CENPP: variants seen among roughly 807,000 people sequenced by gnomAD.
CENPP encodes the protein centromere protein P.
Under a neutral mutation model 35.6 loss-of-function variants are expected in CENPP, and 24 were observed. That is an observed-to-expected ratio of 0.67 (90% CI 0.49 to 0.95). The LOEUF (loss-of-function observed/expected upper bound fraction) is 0.95. Among genes scored for constraint, CENPP ranks in the 40% least tolerant of loss-of-function variants. The probability of loss-of-function intolerance (pLI) is 0.00; values close to 1 mark genes in which losing one functional copy is unlikely to be tolerated. For missense variants in CENPP, 332 were observed against 345.3 expected (o/e 0.96, Z 0.31); for synonymous variants, 120 against 125.5 (o/e 0.96, Z 0.29).
chr9:92,387,053 GAAAAA>G (rs903436031), intron 5 of CENPP, among the ~76,000 whole-genome samples: 19 of 50,176 alleles, frequency 3.8e-4, no homozygotes, highest in Non-Finnish European at 6.4e-4. Context: ...GTCTCAAAAA[GAAAAA>G]AAAAAAAAAA....
intron 5 of CENPP, among the ~76,000 whole-genome samples, chr9:92,582,041 T>G (rs79484853): frequency 2.4e-4 from 35 of 148,092 alleles, no homozygotes; most frequent in African/African-American, 8.4e-4. Context: ...TGTTTTGTTT[T>G]GTTTTGTTTT....
At chr9:92,438,428 A>G (rs972834454) in intron 5 of CENPP, among the ~76,000 whole-genome samples, 1 of 152,144 alleles carries the variant, frequency 6.6e-6, no homozygotes, top group Admixed American at 6.6e-5. Context: ...CTATTGCTCT[A>G]TGTGTCTGCC....
At chr9:92,402,964 G>A (rs148224104) in intron 5 of CENPP, among the ~76,000 whole-genome samples, 48 of 152,226 alleles carry the variant, frequency 3.2e-4, no homozygotes, top group African/African-American at 1.1e-3. Context: ...ATTGCAACTG[G>A]TGAGGGATCA....
At chr9:92,488,830 G>A (rs767358907) in intron 5 of CENPP, among the ~76,000 whole-genome samples, 1 of 152,114 alleles carries the variant, frequency 6.6e-6, no homozygotes, top group African/African-American at 2.4e-5. Context: ...ATAACATGAT[G>A]TATTCCTTTT....
At chr9:92,434,845 A>G (rs532623403) in intron 5 of CENPP, among the ~76,000 whole-genome samples, 1 of 152,230 alleles carries the variant, frequency 6.6e-6, no homozygotes, top group Non-Finnish European at 1.5e-5. Flanking sequence ...GAGTTCAAGA[A>G]GTTCAAGACC....
At chr9:92,547,064 T>C (rs1348546742) in intron 5 of CENPP, among the ~76,000 whole-genome samples, 2 of 152,166 alleles carry the variant, frequency 1.3e-5, no homozygotes, top group Admixed American at 6.5e-5. Context: ...CAACAATATA[T>C]AAATAATATA....
chr9:92,597,372 C>T (rs556315059), intron 5 of CENPP, among the ~76,000 whole-genome samples: 13 of 152,214 alleles, frequency 8.5e-5, no homozygotes, highest in Admixed American at 2.6e-4. Context: ...ACCTCAAGAA[C>T]GCCTGCCAAT....
chr9:92,608,596 C>T (rs1851147214), intron 5 of CENPP, among the ~76,000 whole-genome samples: 1 of 152,190 alleles, frequency 6.6e-6, no homozygotes, highest in Admixed American at 6.5e-5. Flanking sequence ...TCTTCTCTCC[C>T]CACCTGTACA....
intron 5 of CENPP, chr9:92,385,781 TG>T (rs755382157): frequency 6.2e-7 from 1 of 1,614,078 alleles, no homozygotes; most frequent in South Asian, 1.1e-5. Flanking sequence ...ATTGAAGCTA[TG>T]TTGTTGAACT....
At chr9:92,507,271 A>G (rs1164061493) in intron 5 of CENPP, among the ~76,000 whole-genome samples, 1 of 152,202 alleles carries the variant, frequency 6.6e-6, no homozygotes, top group Admixed American at 6.5e-5. Context: ...ATTTCCTCAT[A>G]TTCTCTTTCA....
chr9:92,470,649 G>T, intron 5 of CENPP: 1 of 1,247,414 alleles, frequency 8.0e-7, no homozygotes, highest in Non-Finnish European at 1.1e-6. Context: ...ATCTTTGAAA[G>T]TATGAGGATA....
chr9:92,332,540 T>A (rs548999257), intron 2 of CENPP, among the ~76,000 whole-genome samples, 189 bp downstream of exon 2: 2 of 152,330 alleles, frequency 1.3e-5, no homozygotes, highest in South Asian at 4.1e-4. Context: ...CCAGGCCCCG[T>A]GATCATGCCT....
intron 2 of CENPP, among the ~76,000 whole-genome samples, chr9:92,334,260 A>G (rs1362594031): frequency 6.6e-6 from 1 of 151,900 alleles, no homozygotes; most frequent in African/African-American, 2.4e-5. Flanking sequence ...AGCTGGGACT[A>G]CAGGCACGCA....
chr9:92,470,836 A>G, intron 5 of CENPP: 3 of 1,023,672 alleles, frequency 2.9e-6, no homozygotes, highest in Non-Finnish European at 4.3e-6. Flanking sequence ...AGATGAGATT[A>G]CTAATATGGT....
chr9:92,505,691 C>A, intron 5 of CENPP: 2 of 1,561,748 alleles, frequency 1.3e-6, no homozygotes, highest in African/African-American at 1.4e-5. Context: ...TGATTTAAGT[C>A]TATAAAAAAT....
intron 5 of CENPP, among the ~76,000 whole-genome samples, chr9:92,606,008 T>C (rs1243418724): frequency 6.6e-6 from 1 of 152,142 alleles, no homozygotes; most frequent in South Asian, 2.1e-4. Flanking sequence ...ACACCTGTAA[T>C]CCCAGCACTA....
chr9:92,461,243 G>T (rs1326614122), intron 5 of CENPP, among the ~76,000 whole-genome samples: 2 of 151,912 alleles, frequency 1.3e-5, no homozygotes, highest in Non-Finnish European at 2.9e-5. Flanking sequence ...AACTGATAAG[G>T]TCATCTTGTT....
intron 4 of CENPP, among the ~76,000 whole-genome samples, chr9:92,359,141 G>A (rs1359966169): frequency 3.9e-5 from 6 of 151,978 alleles, no homozygotes. Context: ...TAGAGAGGGG[G>A]TTTTGCCATG....
At chr9:92,569,561 G>A (rs572094611) in intron 5 of CENPP, among the ~76,000 whole-genome samples, 20 of 152,184 alleles carry the variant, frequency 1.3e-4, no homozygotes, top group South Asian at 4.1e-4. Context: ...TTGGAAATGC[G>A]GGCTCTTTTT....
Sources: gnomAD v4.1 joint callset for allele counts (sites outside exome capture counted in the v4.1 genomes callset) on GRCh38, gnomAD v4.1.1 for gene constraint, MANE v1.5 for transcripts, NCBI Gene and HGNC (gene_info 2026-07-23, HGNC 2026-07-21) for gene names.